ANO5: variants seen among roughly 807,000 people sequenced by gnomAD.
ANO5 encodes the protein anoctamin-5.
In ANO5, 109 loss-of-function variants were observed where a neutral mutation model predicts 121.0. The ratio of observed to expected loss-of-function variants is 0.90; its 90% CI spans 0.77 to 1.06. The LOEUF (loss-of-function observed/expected upper bound fraction) is 1.06, where lower values mean the gene tolerates loss of function less well. Ranked by LOEUF, ANO5 falls within the 50% of genes least tolerant of loss-of-function variation. ANO5 has a pLI of 0.00. For missense variants in ANO5, 1,064 were observed against 1,078.5 expected, an observed-to-expected ratio of 0.99 and a Z score of 0.19; for synonymous variants, 406 against 359.9, an observed-to-expected ratio of 1.13 and a Z score of -1.45.
chr11:22,269,184 AAAAGGGAAGG>A (rs1174190806), intron 17 of ANO5, among the ~76,000 whole-genome samples: 1 of 144,190 alleles, frequency 6.9e-6, no homozygotes, highest in Non-Finnish European at 1.5e-5. Flanking sequence ...GAAGAGAAGG[AAAAGGGAAGG>A]GAAGGGAAGA....
chr11:22,193,795 C>G (rs1851728487), intron 1 of ANO5, among the ~76,000 whole-genome samples: 2 of 152,188 alleles, frequency 1.3e-5, no homozygotes, highest in Non-Finnish European at 2.9e-5. Context: ...CCTATGGTTC[C>G]GGAACACCCT....
At chr11:22,227,070 CTCTT>C (rs1412471152) in intron 6 of ANO5, among the ~76,000 whole-genome samples, 22 of 152,048 alleles carry the variant, frequency 1.4e-4, no homozygotes, top group Non-Finnish European at 2.8e-4. Flanking sequence ...TTGTATGTCT[CTCTT>C]TCTGTCTTTC....
chr11:22,219,865 T>C (rs1852583205), intron 4 of ANO5, among the ~76,000 whole-genome samples: 1 of 151,114 alleles, frequency 6.6e-6, no homozygotes, highest in African/African-American at 2.4e-5. Flanking sequence ...TACTGTATCT[T>C]GGCACTTAAT....
intron 13 of ANO5, 102 bp from the exon 14 acceptor site, chr11:22,257,578 G>T: frequency 4.2e-6 from 4 of 945,730 alleles, no homozygotes; most frequent in East Asian, 2.6e-5. Flanking sequence ...GCCCTTTTGG[G>T]AGACTCCTAC....
intron 2 of ANO5, among the ~76,000 whole-genome samples, chr11:22,204,908 G>A (rs11026461): frequency 0.12 from 17,575 of 152,084 alleles, 1,049 homozygotes; most frequent in Admixed American, 0.18. Context: ...TATGTTCATT[G>A]TAGCACTATT....
chr11:22,250,954 T>C lies in ANO5; in HGVS notation c.1123T>C (p.Ser375Pro), dbSNP rs201863703. 1 of 1,612,598 alleles carries C rather than the reference T, an allele frequency of 6.2e-7. No individual in the cohort carries two copies. The highest frequency in any genetic ancestry group is 2.2e-5 in the East Asian group (1 of 44,788). The change falls in exon 12 of 22, where the codon TCC becomes CCC. Residue 375 changes from serine (S) to proline (P), a missense_variant. By Grantham distance (74) the Ser-to-Pro change is moderately conservative. Transcript: ENST00000324559. ...LNSTCLASKFSHLFDNESTVF... is the reference protein window; with the variant it reads ...LNSTCLASKFPHLFDNESTVF... ...ATTGTTATTGTTATTTTTACAGTTC[T>C]CCCATTTGTTTGATAATGAGTCAAC...
At chr11:22,197,143 C>T (rs924525723) in intron 1 of ANO5, among the ~76,000 whole-genome samples, 1 of 152,024 alleles carries the variant, frequency 6.6e-6, no homozygotes, top group African/African-American at 2.4e-5. Flanking sequence ...TAACATTTTG[C>T]CTTTTAGACT....
chr11:22,254,211 A>G (rs1226266418), intron 12 of ANO5, among the ~76,000 whole-genome samples: 1 of 152,216 alleles, frequency 6.6e-6, no homozygotes, highest in African/African-American at 2.4e-5. Flanking sequence ...GAGCAATTAG[A>G]TGACTGTAAT....
At position 22,227,545 on chromosome 11, in the gene ANO5, G is replaced by T; in HGVS notation, c.607G>T (p.Asp203Tyr). 1 of 1,613,502 alleles carries T rather than the reference G, an allele frequency of 6.2e-7. No individual in the cohort carries two copies. The highest frequency in any genetic ancestry group is 2.2e-5 in the East Asian group (1 of 44,844). Residue 203 changes from aspartate to tyrosine, a missense_variant, in exon 7 of 22, where the codon GAT becomes TAT. Transcript: ENST00000324559. ...TCGGCAGGAGCTCTTCCTCATCGAA[G>T]ATCAGGCAACCTTCTTTCCATCCTC... is the stretch of plus-strand genomic sequence containing the variant. Reference protein sequence around the residue: ...RHRQELFLIEDQATFFPSSSR... With the variant: ...RHRQELFLIEYQATFFPSSSR...
chr11:22,199,431 A>G (rs896389069), intron 1 of ANO5, among the ~76,000 whole-genome samples: 3 of 152,094 alleles, frequency 2.0e-5, no homozygotes, highest in African/African-American at 7.2e-5. Flanking sequence ...TTACTACACC[A>G]TATAATTGAG....
intron 13 of ANO5, among the ~76,000 whole-genome samples, chr11:22,256,743 T>C (rs1303821322): frequency 4.6e-5 from 7 of 152,118 alleles, no homozygotes; most frequent in African/African-American, 1.2e-4. Flanking sequence ...TTGTTTTGTT[T>C]TGTTTTGTTT....
At position 22,279,564 on chromosome 11, in the gene ANO5, A is replaced by G. The variant is rs574225924; in HGVS notation, c.2541A>G (p.Lys847=). The change falls in exon 22 of 22, where the codon AAA becomes AAG. Residue 847 remains lysine, a synonymous_variant. Coordinates refer to ENST00000324559, the MANE Select transcript of ANO5 (RefSeq NM_213599.3). ...IVMEHVVFLV[K]FLLAWMIPDV... ...TCTAGCATGTTGTGTTTTTAGTTAA[A>G]TTTTTGCTGGCCTGGATGATACCTG... 1.2e-6 allele frequency: 2 copies of G among 1,612,384 alleles called. No individual in the cohort carries two copies. The highest frequency in any genetic ancestry group is 2.2e-5 in the East Asian group (1 of 44,832).
chr11:22,243,498 T>C (rs1296153257), intron 9 of ANO5, among the ~76,000 whole-genome samples: 1 of 152,060 alleles, frequency 6.6e-6, no homozygotes, highest in East Asian at 1.9e-4. Context: ...TGTTACAAGT[T>C]CTTCTTTGTA....
At chr11:22,251,691 T>TA (rs1382876982) in intron 12 of ANO5, among the ~76,000 whole-genome samples, 2 of 151,930 alleles carry the variant, frequency 1.3e-5, no homozygotes, top group Non-Finnish European at 2.9e-5. Flanking sequence ...TTTTCCCAGT[T>TA]AAAAAACACC....
rs185736757 is a variant in ANO5 at position 22,225,431 on chromosome 11, C to T, written c.295-553C>T. Among the ~76,000 whole-genome samples, 9 of 152,086 alleles carry T rather than the reference C, an allele frequency of 5.9e-5. No homozygotes were observed. In the East Asian group the frequency reaches 7.8e-4, roughly 13 times the overall value. On this transcript the variant is annotated intron_variant, in intron 5 of 21. Coordinates refer to ENST00000324559, the MANE Select transcript of ANO5 (RefSeq NM_213599.3). Reference sequence around the variant, plus strand: ...GTGATCACAACACTGTACTCCAGCCCGGGTGACAGAGTGAGACCCTGTCAC... The same window carrying T: ...GTGATCACAACACTGTACTCCAGCCTGGGTGACAGAGTGAGACCCTGTCAC...
intron 9 of ANO5, among the ~76,000 whole-genome samples, chr11:22,243,420 C>G (rs983235750): frequency 6.6e-6 from 1 of 152,060 alleles, no homozygotes; most frequent in Admixed American, 6.6e-5. Flanking sequence ...CAGCCTGGTG[C>G]TGGTTTCATA....
chr11:22,195,177 TACTG>T (rs1851768246), intron 1 of ANO5, among the ~76,000 whole-genome samples: 2 of 152,216 alleles, frequency 1.3e-5, no homozygotes, highest in Admixed American at 6.5e-5. Context: ...GATTTGATTC[TACTG>T]ACTAATGTAG....
intron 17 of ANO5, among the ~76,000 whole-genome samples, chr11:22,269,331 AAG>A (rs1306728908): frequency 2.3e-5 from 3 of 128,164 alleles, no homozygotes; most frequent in Non-Finnish European, 3.3e-5. Context: ...GAAAAAAAGA[AAG>A]AGAAGGAAAA....
chr11:22,252,328 G>A (rs1416959470), intron 12 of ANO5, among the ~76,000 whole-genome samples: 1 of 152,086 alleles, frequency 6.6e-6, no homozygotes, highest in Admixed American at 6.5e-5. Flanking sequence ...ATGAATGATA[G>A]GTGCATGATT....
Sources: gnomAD v4.1 joint callset for allele counts (sites outside exome capture counted in the v4.1 genomes callset) on GRCh38, gnomAD v4.1.1 for gene constraint, MANE v1.5 for transcripts, NCBI Gene and HGNC (gene_info 2026-07-23, HGNC 2026-07-21) for gene names.